KCNN3: variants seen among roughly 807,000 people sequenced by gnomAD.
KCNN3 encodes potassium calcium-activated channel subfamily N member 3, also known as small conductance calcium-activated potassium channel protein 3.
KCNN3 carries 16 observed loss-of-function variants against 62.9 expected under a neutral mutation model. The ratio of observed to expected loss-of-function variants is 0.25; its 90% confidence interval spans 0.17 to 0.39. The LOEUF (loss-of-function observed/expected upper bound fraction) is 0.39, where lower values mean the gene tolerates loss of function less well. Among genes scored for constraint, KCNN3 ranks in the 10% least tolerant of loss-of-function variants. The probability of loss-of-function intolerance (pLI) is 1.00; values close to 1 mark genes in which losing one functional copy is unlikely to be tolerated. For synonymous variants in KCNN3, 370 were observed against 389.2 expected (o/e 0.95, Z 0.58); for missense variants, 599 against 949.4 (o/e 0.63, Z 4.85).
chr1:154,806,033 G>C (rs1650160124), intron 2 of KCNN3, among the ~76,000 whole-genome samples: 1 of 152,180 alleles, frequency 6.6e-6, no homozygotes, highest in African/African-American at 2.4e-5. Context: ...AGGCTTCCTA[G>C]AGCCCCGTGA....
chr1:154,774,485 C>T (rs932835742), intron 2 of KCNN3, among the ~76,000 whole-genome samples: 1 of 152,238 alleles, frequency 6.6e-6, no homozygotes, highest in African/African-American at 2.4e-5. Context: ...AAAGTCTCAT[C>T]CAGCTCCGAT....
chr1:154,843,839 A>G (rs181337470), intron 1 of KCNN3, among the ~76,000 whole-genome samples: 2 of 152,350 alleles, frequency 1.3e-5, no homozygotes, highest in East Asian at 3.9e-4. Context: ...ACGTTTGGAG[A>G]AATAATGACC....
chr1:154,780,757 A>G (rs1251829246), intron 2 of KCNN3, among the ~76,000 whole-genome samples: 2 of 152,004 alleles, frequency 1.3e-5, no homozygotes, highest in South Asian at 4.2e-4. Context: ...GACGAAATGA[A>G]CTTCTGGGTT....
At chr1:154,796,831 C>CT (rs536890617) in intron 2 of KCNN3, among the ~76,000 whole-genome samples, 110 of 152,310 alleles carry the variant, frequency 7.2e-4, no homozygotes, top group African/African-American at 2.2e-3. Flanking sequence ...TAAGACACAT[C>CT]TTTTTTTGAT....
intron 3 of KCNN3, among the ~76,000 whole-genome samples, chr1:154,754,412 C>T (rs4845669): frequency 0.53 from 80,027 of 151,876 alleles, 21,559 homozygotes; most frequent in East Asian, 0.77. Context: ...GAGATGGTTG[C>T]AGCCCAACAG....
intron 2 of KCNN3, among the ~76,000 whole-genome samples, chr1:154,781,695 T>A (rs1557973156): frequency 1.3e-5 from 2 of 152,190 alleles, no homozygotes; most frequent in Non-Finnish European, 2.9e-5. Flanking sequence ...AGGTGCTCGA[T>A]GCACAGGCAG....
At chr1:154,831,619 A>T (rs912717489) in intron 1 of KCNN3, among the ~76,000 whole-genome samples, 2 of 152,164 alleles carry the variant, frequency 1.3e-5, no homozygotes, top group Non-Finnish European at 2.9e-5. Flanking sequence ...GGAGCTTAGA[A>T]GCCATCTAGT....
At chr1:154,732,490 C>T (rs1201233300) in intron 4 of KCNN3, among the ~76,000 whole-genome samples, 1 of 152,224 alleles carries the variant, frequency 6.6e-6, no homozygotes, top group African/African-American at 2.4e-5. Context: ...AGAGCCAGCC[C>T]AGGGCCATGT....
chr1:154,851,495 A>G (rs1652298188), intron 1 of KCNN3, among the ~76,000 whole-genome samples: 1 of 152,132 alleles, frequency 6.6e-6, no homozygotes, highest in Admixed American at 6.5e-5. Flanking sequence ...GTCTTCCCCC[A>G]AAAAACTGCT....
intron 1 of KCNN3, among the ~76,000 whole-genome samples, chr1:154,829,709 C>T: frequency 6.6e-6 from 1 of 152,194 alleles, no homozygotes; most frequent in East Asian, 1.9e-4. Context: ...CCTCCTGTGC[C>T]CTCCTCAGCC....
Position 154,862,454 on chromosome 1 carries a change from G to A in KCNN3, c.933+6578C>T, listed in dbSNP as rs1652804791. ...AGCAAGGTGGAGGTGAGGGGTGAGA[G>A]AGTTATGTATGGACATGTCCAGTCA... On this transcript the variant is annotated intron_variant, in intron 1 of 7. Coordinates refer to ENST00000271915, the MANE Select transcript of KCNN3 (RefSeq NM_002249.6). This position sits in a 1 kb window ranked among gnomAD's most constrained non-coding sequence, Gnocchi z 4.1. Among the ~76,000 whole-genome samples the A allele has an allele frequency of 6.6e-6, 1 of 152,152 alleles. No individual in the cohort carries two copies. The highest frequency in any genetic ancestry group is 2.4e-5 in the African/African-American group (1 of 41,434).
At chr1:154,832,300 T>C (rs894652884) in intron 1 of KCNN3, among the ~76,000 whole-genome samples, 10 of 151,978 alleles carry the variant, frequency 6.6e-5, no homozygotes, top group Admixed American at 1.3e-4. Context: ...TACAGCCTCC[T>C]CTGGCTTTGA....
chr1:154,868,507 C>T (rs1269412313), intron 1 of KCNN3: 1 of 125,802 alleles, frequency 7.9e-6, no homozygotes, highest in Non-Finnish European at 1.4e-5. Flanking sequence ...GGAATCCCCA[C>T]CCCCCACCCA....
At chr1:154,754,949 C>T (rs1357754233) in intron 3 of KCNN3, among the ~76,000 whole-genome samples, 1 of 152,108 alleles carries the variant, frequency 6.6e-6, no homozygotes, top group East Asian at 1.9e-4. Flanking sequence ...ATGCGTGGGA[C>T]ATCAGTACAG....
chr1:154,854,644 T>G (rs961117211), intron 1 of KCNN3, among the ~76,000 whole-genome samples: 4 of 152,240 alleles, frequency 2.6e-5, no homozygotes, highest in African/African-American at 9.6e-5. Context: ...ATGTGTCCCA[T>G]AATGACATTT....
rs141615642 is a variant in KCNN3, at chr1:154,860,235, G to A, written c.933+8797C>T. On this transcript the variant is annotated intron_variant, in intron 1 of 7. Transcript: ENST00000271915. Reference sequence around the variant, plus strand: ...GGGGAAATTGTGTTCTCTTGACGACGCATCAGGCAAGCTGTGGCAATGCTT... The same window carrying A: ...GGGGAAATTGTGTTCTCTTGACGACACATCAGGCAAGCTGTGGCAATGCTT... Among the ~76,000 whole-genome samples the A allele has an allele frequency of 5.2e-3, 792 of 152,318 alleles. 5 individuals carry two copies. The highest frequency in any genetic ancestry group is 8.8e-3 in the Admixed American group (134 of 15,310).
chr1:154,844,760 C>CT (rs1651979485), intron 1 of KCNN3, among the ~76,000 whole-genome samples: 1 of 152,210 alleles, frequency 6.6e-6, no homozygotes, highest in Non-Finnish European at 1.5e-5. Flanking sequence ...AATCCCAGCA[C>CT]TTTGGGAGGC....
chr1:154,778,049 C>T (rs1217348778), intron 2 of KCNN3, among the ~76,000 whole-genome samples: 1 of 152,178 alleles, frequency 6.6e-6, no homozygotes, highest in Non-Finnish European at 1.5e-5. Context: ...TGTGTCAGTA[C>T]CACAGTCTCT....
chr1:154,833,103 C>T (rs1424965761), intron 1 of KCNN3, among the ~76,000 whole-genome samples: 1 of 152,078 alleles, frequency 6.6e-6, no homozygotes, highest in Non-Finnish European at 1.5e-5. Flanking sequence ...CAGCCCTTGC[C>T]TCTGTCTGCA....
Sources: gnomAD v4.1 joint callset for allele counts (sites outside exome capture counted in the v4.1 genomes callset) on GRCh38, gnomAD v4.1.1 for gene constraint, Gnocchi (gnomAD v3.1) non-coding constraint, MANE v1.5 for transcripts, NCBI Gene and HGNC (gene_info 2026-07-23, HGNC 2026-07-21) for gene names.